TBC1D15: variants seen among roughly 807,000 people sequenced by gnomAD.
The protein encoded by TBC1D15 is TBC1 domain family member 15.
In TBC1D15, 39 loss-of-function variants were observed where a neutral mutation model predicts 95.4. The ratio of observed to expected loss-of-function variants is 0.41; its 90% CI spans 0.32 to 0.53. The LOEUF is 0.53. Among genes scored for constraint, TBC1D15 ranks in the 20% least tolerant of loss-of-function variants. The pLI is 0.29. For missense variants in TBC1D15, 733 were observed against 794.3 expected, an observed-to-expected ratio of 0.92 and a Z score of 0.93; for synonymous variants, 258 against 261.3, an observed-to-expected ratio of 0.99 and a Z score of 0.12.
At chr12:71,878,715 C>T (rs999026611) in intron 3 of TBC1D15, among the ~76,000 whole-genome samples, 1 of 151,520 alleles carries the variant, frequency 6.6e-6, no homozygotes, top group African/African-American at 2.4e-5. Context: ...GGGGGTTTTG[C>T]CATGTTGTCC....
intron 1 of TBC1D15, among the ~76,000 whole-genome samples, chr12:71,867,683 C>A (rs1037252262): frequency 1.3e-5 from 2 of 152,172 alleles, no homozygotes; most frequent in Admixed American, 6.5e-5. Context: ...GAGACAGGAT[C>A]TTACTTTGTT....
intron 1 of TBC1D15, among the ~76,000 whole-genome samples, chr12:71,845,478 C>A (rs1010288877): frequency 2.0e-5 from 3 of 152,164 alleles, no homozygotes; most frequent in African/African-American, 7.2e-5. Context: ...GATGAGATAT[C>A]TTTGACAGAA....
intron 5 of TBC1D15, among the ~76,000 whole-genome samples, chr12:71,885,453 C>A (rs531425445): frequency 6.6e-6 from 1 of 152,154 alleles, no homozygotes; most frequent in Non-Finnish European, 1.5e-5. Flanking sequence ...TTACCACTTT[C>A]CAAAAATCTT....
chr12:71,913,563 T>C, intron 11 of TBC1D15: 1 of 320,160 alleles, frequency 3.1e-6, no homozygotes, highest in Non-Finnish European at 5.7e-6. Flanking sequence ...TTACCCACTC[T>C]TGATAGTGTA....
intron 6 of TBC1D15, 52 bp from the exon 7 acceptor site, chr12:71,894,634 G>T (rs185210585): frequency 6.6e-7 from 1 of 1,511,268 alleles, no homozygotes; most frequent in East Asian, 2.3e-5. Flanking sequence ...TGGAGTATTC[G>T]TTTTTCTTTA....
chr12:71,847,497 C>T (rs1886599984), intron 1 of TBC1D15, among the ~76,000 whole-genome samples: 1 of 151,320 alleles, frequency 6.6e-6, no homozygotes, highest in Non-Finnish European at 1.5e-5. Context: ...GAGTTCGAGA[C>T]CAGCCTGACC....
chr12:71,911,551 C>T (rs1482058346), intron 11 of TBC1D15, among the ~76,000 whole-genome samples: 1 of 140,522 alleles, frequency 7.1e-6, no homozygotes, highest in Non-Finnish European at 1.5e-5. Flanking sequence ...CATGTTCTCA[C>T]TTATAGGTGG....
chr12:71,923,248 C>G lies in TBC1D15; in HGVS notation c.*44C>G, dbSNP rs577951057. On this transcript the variant is annotated 3_prime_UTR_variant, in exon 17 of 17. Coordinates refer to ENST00000485960, the MANE Select transcript of TBC1D15 (RefSeq NM_001146213.3). ...TGGGAAGAGACACTTTGTTGCAACC[C>G]TTTTTCAAGTACTTGAAAGTTGAAA... 3.6e-5 allele frequency: 57 copies of G among 1,586,200 alleles called. 1 individual carries two copies. In the South Asian group the frequency reaches 5.8e-4, roughly 16 times the overall value.
chr12:71,902,064 C>G (rs183082737), intron 10 of TBC1D15, among the ~76,000 whole-genome samples: 4 of 152,210 alleles, frequency 2.6e-5, no homozygotes, highest in African/African-American at 9.6e-5. Flanking sequence ...ATGAGAATTA[C>G]AAAACACTGC....
chr12:71,843,009 G>A (rs1318145756), intron 1 of TBC1D15, among the ~76,000 whole-genome samples: 5 of 151,676 alleles, frequency 3.3e-5, no homozygotes, highest in Non-Finnish European at 5.9e-5. Context: ...ATTACTGGCC[G>A]GGCACGGTGG....
intron 5 of TBC1D15, among the ~76,000 whole-genome samples, chr12:71,890,537 C>T (rs1278508179): frequency 6.6e-6 from 1 of 152,122 alleles, no homozygotes; most frequent in East Asian, 1.9e-4. Context: ...AGTTTGTCTT[C>T]ATAAAGAGCT....
In TBC1D15 at chr12:71,915,394, T is replaced by A. The variant is rs929512199; in HGVS notation, c.1401+1468T>A. 8.4e-5 allele frequency among the ~76,000 whole-genome samples: 12 copies of A among 143,558 alleles called. No homozygotes were observed. In the South Asian group the frequency reaches 2.6e-3, roughly 32 times the overall value. 94.2% of individuals were successfully genotyped at this position (143,558 alleles called of 152,430 possible). ...GGTTGTTCAACGGGTTTTTGTAGAATAAACATGTGAATCTTTCCCCAGTGA... is the reference window on the plus strand; with the variant it reads ...GGTTGTTCAACGGGTTTTTGTAGAAAAAACATGTGAATCTTTCCCCAGTGA... On this transcript the variant is annotated intron_variant, in intron 12 of 16. Transcript: ENST00000485960.
intron 1 of TBC1D15, among the ~76,000 whole-genome samples, chr12:71,845,450 A>G (rs1000018954): frequency 2.0e-5 from 3 of 152,204 alleles, no homozygotes; most frequent in African/African-American, 7.2e-5. Context: ...TGAAAGAAGC[A>G]TTTAGAATAA....
intron 10 of TBC1D15, 100 bp downstream of exon 10, chr12:71,898,041 CA>C: frequency 1.2e-6 from 1 of 821,434 alleles, no homozygotes; most frequent in Middle Eastern, 3.4e-4. Context: ...CACTAGGGCT[CA>C]AAAGAGAAAT....
intron 6 of TBC1D15, 78 bp downstream of exon 6, chr12:71,893,402 G>C: frequency 1.0e-6 from 1 of 956,430 alleles, no homozygotes; most frequent in Non-Finnish European, 1.5e-6. Flanking sequence ...TTCTCAGAGA[G>C]TATGCAAAAT....
At position 71,917,765 on chromosome 12, in the gene TBC1D15, G is replaced by C; in HGVS notation, c.1469G>C (p.Arg490Pro). 1.2e-6 allele frequency: 2 copies of C among 1,612,874 alleles called. No individual in the cohort carries two copies. The highest frequency in any genetic ancestry group is 2.2e-5 in the East Asian group (1 of 44,830). ...CTAATTCAGCTGAGTACCTTACTTCGATTGTTAGACAGTGGATTTTGCAGT... is the reference window on the plus strand; with the variant it reads ...CTAATTCAGCTGAGTACCTTACTTCCATTGTTAGACAGTGGATTTTGCAGT... ...TQLIQLSTLL[R>P]LLDSGFCSYL... The change falls in exon 13 of 17, where the codon CGA becomes CCA. Residue 490 changes from arginine (R) to proline (P), a missense_variant. By Grantham distance (103) the Arg-to-Pro change is moderately radical. Transcript: ENST00000485960.
intron 1 of TBC1D15, among the ~76,000 whole-genome samples, chr12:71,863,404 A>G (rs1232468772): frequency 6.6e-6 from 1 of 151,698 alleles, no homozygotes; most frequent in South Asian, 2.1e-4. Flanking sequence ...AAGAAAAGAA[A>G]TCTGCTTTTA....
rs574902500 is a variant in TBC1D15, at chr12:71,910,135, T to G, written c.1300+2997T>G. Reference sequence around the variant, plus strand: ...AAATAGGGAATCCTTTCCCCATTGCTTGTTTTTCTCAGGTTTGTCAAAGAT... The same window carrying G: ...AAATAGGGAATCCTTTCCCCATTGCGTGTTTTTCTCAGGTTTGTCAAAGAT... On this transcript the variant is annotated intron_variant, in intron 11 of 16. Coordinates refer to ENST00000485960, the MANE Select transcript of TBC1D15 (RefSeq NM_001146213.3). 3.9e-5 allele frequency among the ~76,000 whole-genome samples: 6 copies of G among 152,142 alleles called. No homozygotes were observed. In the East Asian group the frequency reaches 1.2e-3, roughly 29 times the overall value.
At chr12:71,850,315 G>A (rs1393877633) in intron 1 of TBC1D15, 1 of 424,234 alleles carries the variant, frequency 2.4e-6, no homozygotes, top group African/African-American at 2.1e-5. Flanking sequence ...AGAGTGGTTT[G>A]AAAGACATCA....
Sources: allele counts gnomAD v4.1 joint callset (sites outside exome capture counted in the v4.1 genomes callset), GRCh38; gene constraint gnomAD v4.1.1; transcripts MANE v1.5; gene names NCBI Gene and HGNC (gene_info 2026-07-23, HGNC 2026-07-21).